The following PKHD1 variants were observed in gnomAD, a reference collection of about 807,000 sequenced individuals.
PKHD1 encodes the protein fibrocystin.
In PKHD1, 291 loss-of-function variants were observed where a neutral mutation model predicts 412.0. The ratio of observed to expected loss-of-function variants is 0.71; its 90% CI spans 0.64 to 0.78. The LOEUF is 0.78. Among genes scored for constraint, PKHD1 ranks in the 30% least tolerant of loss-of-function variants. The pLI is 0.00. For synonymous variants in PKHD1, 1,777 were observed against 1,821.5 expected (o/e 0.98, Z 0.62); for missense variants, 4,825 against 4,950.7 (o/e 0.97, Z 0.76).
chr6:51,753,547 C>G (rs1032878271), intron 56 of PKHD1, among the ~76,000 whole-genome samples, 194 bp from the exon 57 acceptor site: 1 of 152,206 alleles, frequency 6.6e-6, no homozygotes, highest in Non-Finnish European at 1.5e-5. Context: ...TCACTTGTCT[C>G]TCTTTGGGAT....
intron 45 of PKHD1, among the ~76,000 whole-genome samples, chr6:51,883,501 A>G (rs1477450804): frequency 2.0e-5 from 3 of 152,194 alleles, no homozygotes; most frequent in African/African-American, 7.2e-5. Flanking sequence ...TATCTAAAAT[A>G]AACTTGGAGT....
chr6:51,667,265 T>C (rs1234968490), intron 60 of PKHD1, among the ~76,000 whole-genome samples: 2 of 149,906 alleles, frequency 1.3e-5, no homozygotes, highest in Admixed American at 6.7e-5. Context: ...TATCTCATTG[T>C]GGTTTTGATT....
chr6:51,769,070 C>T (rs1789608521), intron 55 of PKHD1, among the ~76,000 whole-genome samples: 2 of 150,788 alleles, frequency 1.3e-5, no homozygotes, highest in Admixed American at 1.3e-4. Context: ...TCAAACATAG[C>T]TTGCTTTGTT....
chr6:51,991,741 G>C (rs1445923257), intron 35 of PKHD1, among the ~76,000 whole-genome samples: 1 of 152,164 alleles, frequency 6.6e-6, no homozygotes, highest in East Asian at 1.9e-4. Context: ...ACTTCACAGA[G>C]AAATCTTAAA....
intron 65 of PKHD1, among the ~76,000 whole-genome samples, chr6:51,630,207 G>A (rs1767758969): frequency 6.6e-6 from 1 of 152,048 alleles, no homozygotes; most frequent in Non-Finnish European, 1.5e-5. Flanking sequence ...GTCAAGTCTG[G>A]GTGCAGTAAG....
At chr6:51,731,837 A>T (rs1372074725) in intron 60 of PKHD1, among the ~76,000 whole-genome samples, 1 of 152,188 alleles carries the variant, frequency 6.6e-6, no homozygotes. Flanking sequence ...GCTTCAAATT[A>T]TGTATAATTT....
Position 51,753,289 on chromosome 6 carries a change from G to A in PKHD1, c.8862C>T (p.Thr2954=). 10 of 1,613,576 alleles carry A rather than the reference G, an allele frequency of 6.2e-6. No homozygotes were observed. The highest frequency in any genetic ancestry group is 8.5e-6 in the Non-Finnish European group (10 of 1,179,672). Residue 2954 remains threonine, a synonymous_variant, in exon 57 of 67, where the codon ACC becomes ACT. Transcript: ENST00000371117. ...IRLAAEVGLL[T]RNIQIQPDVS... ...CGTCAGGCTGAATTTGTATATTTCG[G>A]GTCAACAGTCCAACCTCAGCAGCCA...
Position 51,711,435 on chromosome 6 carries a change from T to A in PKHD1, c.10156+32950A>T, listed in dbSNP as rs544107858. Among the ~76,000 whole-genome samples, 6 of 152,226 alleles carry A rather than the reference T, an allele frequency of 3.9e-5. No homozygotes were observed. The South Asian group carries it at 1.0e-3, about 26-fold the overall frequency. On this transcript the variant is annotated intron_variant, in intron 60 of 66. Transcript: ENST00000371117. ...ACCAGCTGAAATCATCTTGTCTCTA[T>A]CCCTGAGCTTTATGGAACTAATATG...
At chr6:52,012,159 T>C (rs1799912817) in intron 34 of PKHD1, among the ~76,000 whole-genome samples, 1 of 152,226 alleles carries the variant, frequency 6.6e-6, no homozygotes, top group Admixed American at 6.5e-5. Flanking sequence ...TTCACTAAGC[T>C]TTGGTTTCCA....
intron 22 of PKHD1, among the ~76,000 whole-genome samples, chr6:52,049,712 A>AT (rs942102522): frequency 2.0e-5 from 3 of 152,106 alleles, no homozygotes; most frequent in Non-Finnish European, 4.4e-5. Flanking sequence ...AGAAATAGCT[A>AT]TTTTTCTTCT....
At chr6:51,917,177 GAGAGGGAGAGGT>G (rs757701217) in intron 37 of PKHD1, among the ~76,000 whole-genome samples, 113 of 132,248 alleles carry the variant, frequency 8.5e-4, no homozygotes, top group Non-Finnish European at 1.4e-3. Flanking sequence ...GAGAGAGGGA[GAGAGGGAGAGGT>G]GGGGGGGAGA....
At chr6:51,779,930 T>A (rs1352733730) in intron 53 of PKHD1, among the ~76,000 whole-genome samples, 3 of 152,114 alleles carry the variant, frequency 2.0e-5, no homozygotes, top group Admixed American at 2.0e-4. Context: ...AAAAAACTGA[T>A]CATATGATGA....
chr6:51,831,765 A>G (rs1335715329), intron 51 of PKHD1, among the ~76,000 whole-genome samples: 1 of 152,146 alleles, frequency 6.6e-6, no homozygotes, highest in Non-Finnish European at 1.5e-5. Context: ...ACCAGTTTCT[A>G]TTGATTCTGC....
intron 66 of PKHD1, 132 bp downstream of exon 66, chr6:51,626,865 G>A (rs920683183): frequency 2.2e-6 from 2 of 899,404 alleles, no homozygotes; most frequent in Non-Finnish European, 3.7e-6. Context: ...TAATTTCTTT[G>A]AAGGAAAGTA....
intron 46 of PKHD1, among the ~76,000 whole-genome samples, chr6:51,881,841 T>C (rs546611796): frequency 3.3e-5 from 5 of 152,292 alleles, no homozygotes; most frequent in Admixed American, 1.3e-4. Context: ...AGAACAAAAC[T>C]GTTTAACATT....
Position 51,934,339 on chromosome 6 carries a change from AAATTGTCAGTCCCTGGGAGGAT to A in PKHD1, c.5909-39_5909-18del, listed in dbSNP as rs1396329981. 6.4e-7 allele frequency: 1 copy of A among 1,550,620 alleles called. No individual in the cohort carries two copies. Among genetic ancestry groups the A allele is most frequent in the South Asian group, 1.1e-5 (1 of 89,776 alleles). On this transcript the variant is annotated intron_variant, in intron 36 of 66. Coordinates refer to ENST00000371117, the MANE Select transcript of PKHD1 (RefSeq NM_138694.4). ...GCTTGCCCCCTAATGGACAAAGGGAAAATTGTCAGTCCCTGGGAGGATAAGGCTTACCGTTTTGTCAGTTTCA... is the reference window on the plus strand; with the variant it reads ...GCTTGCCCCCTAATGGACAAAGGGAAAAGGCTTACCGTTTTGTCAGTTTCA...
At chr6:51,895,548 C>T (rs367570378) in intron 43 of PKHD1, among the ~76,000 whole-genome samples, 2 of 152,130 alleles carry the variant, frequency 1.3e-5, no homozygotes, top group East Asian at 3.8e-4. Context: ...TAGGTTTATA[C>T]CTTCATTCGT....
chr6:51,982,206 C>G (rs373070857), intron 35 of PKHD1, among the ~76,000 whole-genome samples: 2 of 12,860 alleles, frequency 1.6e-4, no homozygotes, highest in Non-Finnish European at 1.9e-4. Flanking sequence ...GCCCCCCGCC[C>G]GGCCAGCCGC....
intron 46 of PKHD1, among the ~76,000 whole-genome samples, chr6:51,873,986 G>C (rs999245067): frequency 2.0e-4 from 31 of 152,182 alleles, no homozygotes; most frequent in African/African-American, 7.5e-4. Flanking sequence ...TAGAGAAAAT[G>C]AGATTTCTCC....
Sources: gnomAD v4.1 joint callset for allele counts (sites outside exome capture counted in the v4.1 genomes callset) on GRCh38, gnomAD v4.1.1 for gene constraint, MANE v1.5 for transcripts, NCBI Gene and HGNC (gene_info 2026-07-23, HGNC 2026-07-21) for gene names.